The following ZNF83 variants were observed in gnomAD, a reference collection of about 807,000 sequenced individuals.
ZNF83 encodes the protein zinc finger protein 83, also known as zinc finger protein 816B.
For synonymous variants in ZNF83, 209 were observed against 213.0 expected (o/e 0.98, Z 0.17); for missense variants, 552 against 629.9 (o/e 0.88, Z 1.32).
intron 1 of ZNF83, among the ~76,000 whole-genome samples, chr19:52,667,750 C>A (rs1409858093): frequency 6.6e-6 from 1 of 151,960 alleles, no homozygotes. Flanking sequence ...TGCTCTTCAA[C>A]AAAAATTATA....
chr19:52,614,159 G>A (rs2060220994), exon 3 of ZNF83: 1 of 1,614,060 alleles, frequency 6.2e-7, no homozygotes, highest in African/African-American at 1.3e-5. Context: ...TGACTTGCAA[G>A]GTTTGATTTT....
chr19:52,629,999 A>G lies in ZNF83; in HGVS notation c.-234+5067T>C, dbSNP rs562937066. On this transcript the variant is annotated intron_variant, in intron 2 of 2. Transcript: ENST00000301096. ...ACAAGAACTTCCAAACGCCTGAACCACAGTGGCCAGGCATTCCTCCAGAAC... is the reference window on the plus strand; with the variant it reads ...ACAAGAACTTCCAAACGCCTGAACCGCAGTGGCCAGGCATTCCTCCAGAAC... Among the ~76,000 whole-genome samples, 571 of 148,808 alleles carry G rather than the reference A, an allele frequency of 3.8e-3. 3 individuals are homozygous for G. Among genetic ancestry groups the G allele is most frequent in the African/African-American group, 0.012 (492 of 40,020 alleles).
exon 3 of ZNF83, chr19:52,612,997 C>T (rs1318928500): frequency 1.3e-6 from 2 of 1,558,132 alleles, no homozygotes; most frequent in Non-Finnish European, 1.7e-6. Flanking sequence ...TTAATGCTAA[C>T]TGAACACTCT....
At chr19:52,617,273 A>G (rs1190642311) in intron 2 of ZNF83, 1 of 152,232 alleles carries the variant, frequency 6.6e-6, no homozygotes, top group Non-Finnish European at 1.5e-5. Flanking sequence ...CTTCCTAGAC[A>G]GCGGTATGTC....
intron 3 of ZNF83, among the ~76,000 whole-genome samples, chr19:52,653,913 T>C (rs1600232326): frequency 1.3e-5 from 2 of 152,222 alleles, no homozygotes; most frequent in African/African-American, 4.8e-5. Context: ...AAGGTTTTTC[T>C]CTCATGTGTT....
intron 2 of ZNF83, among the ~76,000 whole-genome samples, chr19:52,628,508 C>A (rs187461384): frequency 5.9e-5 from 9 of 152,126 alleles, no homozygotes; most frequent in Non-Finnish European, 1.3e-4. Context: ...ACCCAAAACT[C>A]GGGCGCCGGT....
Position 52,614,802 on chromosome 19 carries a change from A to G in ZNF83, c.-233-5T>C. Reference sequence around the variant, plus strand: ...TCTCACATTTAGAAAAAATACCTACAAGATATAAGGATCCCACAGTTTCCA... The same window carrying G: ...TCTCACATTTAGAAAAAATACCTACGAGATATAAGGATCCCACAGTTTCCA... On this transcript the variant is annotated splice_polypyrimidine_tract_variant and splice_region_variant and intron_variant, in intron 2 of 2. Transcript: ENST00000301096. 1 of 1,279,450 alleles carries G rather than the reference A, an allele frequency of 7.8e-7. No homozygotes were observed. The highest frequency in any genetic ancestry group is 9.9e-7 in the Non-Finnish European group (1 of 1,005,820). 79.3% of individuals were successfully genotyped at this position (1,279,450 alleles called of 1,614,324 possible).
exon 1 of ZNF83, chr19:52,638,313 G>T (rs8108275): frequency 1.4e-5 from 2 of 144,010 alleles, no homozygotes; most frequent in Admixed American, 7.0e-5. Flanking sequence ...GAAACTCACC[G>T]CCACGGTGTA....
chr19:52,639,511 G>A (rs935762447), upstream of ZNF83, among the ~76,000 whole-genome samples: 23 of 139,254 alleles, frequency 1.7e-4, 1 homozygote, highest in South Asian at 4.8e-3. Flanking sequence ...TCTGCCTCCT[G>A]GGTTGAACCG....
At chr19:52,680,603 AATATTTTTT>A (rs2061891723) in intron 1 of ZNF83, among the ~76,000 whole-genome samples, 1 of 101,640 alleles carries the variant, frequency 9.8e-6, no homozygotes, top group South Asian at 4.1e-4. Flanking sequence ...TTTTCCACAA[AATATTTTTT>A]TTTTTTTTTT....
chr19:52,629,798 TAC>T (rs1236220577), intron 2 of ZNF83, among the ~76,000 whole-genome samples: 4 of 152,146 alleles, frequency 2.6e-5, no homozygotes, highest in Non-Finnish European at 5.9e-5. Context: ...ATTCTCAAAA[TAC>T]ATTTTATTAC....
intron 3 of ZNF83, among the ~76,000 whole-genome samples, chr19:52,654,578 A>G (rs1030857244): frequency 3.9e-5 from 6 of 152,166 alleles, no homozygotes; most frequent in Non-Finnish European, 8.8e-5. Context: ...TTAGCCAGGC[A>G]TGGTGGTGGA....
intron 1 of ZNF83, chr19:52,635,594 G>A (rs138033629): frequency 0.014 from 2,097 of 152,488 alleles, 43 homozygotes; most frequent in Admixed American, 0.052. Context: ...GAAGGTACAC[G>A]TCTGTGTGTC....
chr19:52,655,427 T>A, intron 3 of ZNF83: 1 of 845,096 alleles, frequency 1.2e-6, no homozygotes, highest in Non-Finnish European at 1.9e-6. Context: ...GACAGGAGGA[T>A]CATCACTGCA....
In ZNF83 at chr19:52,688,950, G is replaced by GA. The variant is rs56247444; in HGVS notation, c.-283+1492dup. Among the ~76,000 whole-genome samples, 101 of 126,786 alleles carry GA rather than the reference G, an allele frequency of 8.0e-4. 1 individual carries two copies. The highest frequency in any genetic ancestry group is 2.3e-3 in the African/African-American group (82 of 35,230). The allele number at this position is 126,786 out of a possible 152,430, so 83.2% of individuals were successfully genotyped here. On this transcript the variant is annotated intron_variant, in intron 1 of 5. Coordinates refer to the ZNF83 transcript ENST00000594682. Reference sequence around the variant, plus strand: ...CCCACCTTCCAGAGCAAGGTTGAAGGAAAAAAAAAAAAAAAAAAAAAAGAG... The same window carrying GA: ...CCCACCTTCCAGAGCAAGGTTGAAGGAAAAAAAAAAAAAAAAAAAAAAAGAG...
At chr19:52,640,998 A>T (rs1305783141), upstream of ZNF83, among the ~76,000 whole-genome samples, 1 of 152,158 alleles carries the variant, frequency 6.6e-6, no homozygotes, top group Non-Finnish European at 1.5e-5. Flanking sequence ...AGCAGGCGAC[A>T]TCTGGGGCCC....
exon 3 of ZNF83, chr19:52,613,884 A>G (rs527625887): frequency 1.6e-5 from 26 of 1,614,030 alleles, no homozygotes; most frequent in Admixed American, 6.7e-5. Flanking sequence ...TTTCTCCAGT[A>G]TGAATTGTCC....
intron 1 of ZNF83, among the ~76,000 whole-genome samples, chr19:52,683,043 G>A (rs1315610849): frequency 1.4e-5 from 2 of 147,772 alleles, no homozygotes; most frequent in African/African-American, 2.6e-5. Flanking sequence ...GCTAATTTTT[G>A]TATTTTTAGT....
chr19:52,673,419 T>C (rs957598684), intron 1 of ZNF83, among the ~76,000 whole-genome samples: 20 of 151,114 alleles, frequency 1.3e-4, no homozygotes, highest in African/African-American at 4.9e-4. Context: ...AGGAGAATCA[T>C]TTGAGCCAAG....
Sources: allele counts gnomAD v4.1 joint callset (sites outside exome capture counted in the v4.1 genomes callset), GRCh38; gene constraint gnomAD v4.1.1; transcripts MANE v1.5; gene names NCBI Gene and HGNC (gene_info 2026-07-23, HGNC 2026-07-21).